The following SPTBN1 variants were observed in gnomAD, a reference collection of about 807,000 sequenced individuals.
SPTBN1 encodes the protein spectrin beta, non-erythrocytic 1, also known as spectrin beta chain, non-erythrocytic 1.
SPTBN1 carries 32 observed loss-of-function variants against 266.4 expected under a neutral mutation model. The observed-to-expected ratio is 0.12, with a 90% CI of 0.09 to 0.16. The LOEUF is 0.16. Ranked by LOEUF, SPTBN1 falls within the 10% of genes least tolerant of loss-of-function variation. The probability of loss-of-function intolerance (pLI) is 1.00; values close to 1 mark genes in which losing one functional copy is unlikely to be tolerated. For synonymous variants in SPTBN1, 1,336 were observed against 1,162.2 expected (o/e 1.15, Z -3.04); for missense variants, 2,296 against 3,067.1 (o/e 0.75, Z 5.94).
At chr2:54,643,773 C>T (rs767245140) in intron 19 of SPTBN1, among the ~76,000 whole-genome samples, 2 of 152,126 alleles carry the variant, frequency 1.3e-5, no homozygotes, top group Non-Finnish European at 2.9e-5. Context: ...CACTGGAGGC[C>T]AGGAGTTTCA....
At chr2:54,506,218 TG>T (rs1405748187) in intron 1 of SPTBN1, among the ~76,000 whole-genome samples, 1 of 152,178 alleles carries the variant, frequency 6.6e-6, no homozygotes, top group Admixed American at 6.5e-5. Context: ...CTCTTGGCCC[TG>T]GGACCTTCCC....
intron 18 of SPTBN1, among the ~76,000 whole-genome samples, chr2:54,638,532 T>C (rs1307297655): frequency 1.3e-5 from 2 of 152,268 alleles, no homozygotes; most frequent in African/African-American, 4.8e-5. Flanking sequence ...ATCATTGTAC[T>C]ATTTCATGCT....
At chr2:54,606,230 G>A (rs1210857430) in intron 3 of SPTBN1, among the ~76,000 whole-genome samples, 1 of 152,178 alleles carries the variant, frequency 6.6e-6, no homozygotes, top group African/African-American at 2.4e-5. Context: ...GCTGGTTGGA[G>A]CCTGGGAAGG....
Position 54,669,792 on chromosome 2 carries a change from A to ATTT in SPTBN1, c.*1227_*1229dup, listed in dbSNP as rs1484143456. The ATTT allele has an allele frequency of 2.6e-5, 4 of 152,346 alleles. No homozygotes were observed. Among genetic ancestry groups the ATTT allele is most frequent in the Admixed American group, 6.5e-5 (1 of 15,282 alleles). 9.4% of individuals were successfully genotyped at this position (152,346 alleles called of 1,614,324 possible). A position where few individuals can be genotyped will look rare whatever the true frequency, so the allele number is the denominator to read the frequency against. On this transcript the variant is annotated 3_prime_UTR_variant, in exon 36 of 36. Coordinates refer to ENST00000356805, the MANE Select transcript of SPTBN1 (RefSeq NM_003128.3). ...ACAACCAGTCTGGGCTCACTTTTGC[A>ATTT]TTTTTTATGCATGTCTGGTGCACAA...
chr2:54,569,273 G>T (rs1673893672), intron 2 of SPTBN1, among the ~76,000 whole-genome samples: 1 of 152,180 alleles, frequency 6.6e-6, no homozygotes, highest in Non-Finnish European at 1.5e-5. Flanking sequence ...CAGCAGTACT[G>T]GAGAGGGGAC....
intron 2 of SPTBN1, among the ~76,000 whole-genome samples, chr2:54,577,518 G>A (rs1317869712): frequency 6.6e-6 from 1 of 152,206 alleles, no homozygotes; most frequent in African/African-American, 2.4e-5. Flanking sequence ...CTAAAGTCTA[G>A]CCCTGTATTG....
At chr2:54,486,690 C>G (rs1350657120) in intron 1 of SPTBN1, among the ~76,000 whole-genome samples, 1 of 150,610 alleles carries the variant, frequency 6.6e-6, no homozygotes, top group Non-Finnish European at 1.5e-5. Context: ...AAATCCCCCT[C>G]TGCGAGAAAC....
intron 26 of SPTBN1, among the ~76,000 whole-genome samples, chr2:54,650,214 T>G (rs140824346): frequency 6.7e-4 from 102 of 152,326 alleles, no homozygotes; most frequent in African/African-American, 2.3e-3. Flanking sequence ...CCCCCATGAT[T>G]AAAATAAATA....
intron 2 of SPTBN1, among the ~76,000 whole-genome samples, chr2:54,543,607 A>T (rs1445613822): frequency 6.6e-6 from 1 of 152,050 alleles, no homozygotes; most frequent in South Asian, 2.1e-4. Context: ...TTTTTTAATT[A>T]AAAAAATTAA....
rs1680099741 is a variant in SPTBN1 at position 54,649,099 on chromosome 2, A to G, written c.5111A>G (p.Asn1704Ser). 1.9e-6 allele frequency: 3 copies of G among 1,614,024 alleles called. No individual in the cohort carries two copies. The highest frequency in any genetic ancestry group is 2.2e-5 in the South Asian group (2 of 91,082). Residue 1704 changes from asparagine to serine, a missense_variant, in exon 25 of 36, where the codon AAC becomes AGC. Physicochemically the swap from Asn to Ser is conservative, Grantham distance 46. Coordinates refer to ENST00000356805, the MANE Select transcript of SPTBN1 (RefSeq NM_003128.3). This position sits in a 1 kb window ranked among gnomAD's most constrained non-coding sequence, Gnocchi z 6.7. ...LDERHRLFQL[N>S]REVDDLEQWI... ...GAGAGACACAGGTTATTCCAGCTCA[A>G]CCGGGAGGTGGACGACCTGGAGCAG...
At chr2:54,548,806 A>G (rs760075611) in intron 2 of SPTBN1, among the ~76,000 whole-genome samples, 2 of 152,196 alleles carry the variant, frequency 1.3e-5, no homozygotes, top group Non-Finnish European at 2.9e-5. Context: ...ACTTTCAGCT[A>G]TCATCTTCTG....
chr2:54,524,112 T>G (rs1385437422), intron 1 of SPTBN1, among the ~76,000 whole-genome samples: 1 of 152,122 alleles, frequency 6.6e-6, no homozygotes, highest in Non-Finnish European at 1.5e-5. Context: ...GGCAGAAGAA[T>G]TGCTTGAACC....
intron 1 of SPTBN1, among the ~76,000 whole-genome samples, chr2:54,488,627 T>C (rs1375591911): frequency 6.6e-6 from 1 of 152,160 alleles, no homozygotes; most frequent in Non-Finnish European, 1.5e-5. Context: ...TGTGCATTAT[T>C]ATCTCATCGT....
chr2:54,505,695 C>T (rs866266678), intron 1 of SPTBN1, among the ~76,000 whole-genome samples: 11 of 152,166 alleles, frequency 7.2e-5, no homozygotes, highest in African/African-American at 2.7e-4. Context: ...TGGTCAGTAC[C>T]TGGGGTGATT....
chr2:54,668,029 A>C (rs954519446), intron 35 of SPTBN1, among the ~76,000 whole-genome samples: 2 of 152,162 alleles, frequency 1.3e-5, no homozygotes, highest in Non-Finnish European at 2.9e-5. Context: ...TTGATGGAAA[A>C]ACAACACCTG....
chr2:54,490,454 G>C (rs887435898), intron 1 of SPTBN1, among the ~76,000 whole-genome samples: 2 of 152,032 alleles, frequency 1.3e-5, no homozygotes, highest in African/African-American at 4.8e-5. Context: ...AATTCAGATG[G>C]GGTCCACAAA....
chr2:54,584,373 C>T (rs939264694), intron 2 of SPTBN1, among the ~76,000 whole-genome samples: 7 of 152,118 alleles, frequency 4.6e-5, no homozygotes, highest in African/African-American at 1.7e-4. Context: ...TGTACATCTT[C>T]GTTTTCTTGC....
At position 54,528,054 on chromosome 2, in the gene SPTBN1, G is replaced by T. The variant is rs534813362; in HGVS notation, c.148+1488G>T. 5 of 152,754 alleles carry T rather than the reference G, an allele frequency of 3.3e-5. No homozygotes were observed. The South Asian group carries it at 1.0e-3, about 32-fold the overall frequency. 9.5% of individuals were successfully genotyped at this position (152,754 alleles called of 1,614,324 possible). ...TGGTGTTGATTTAAAGATCTTTCTT[G>T]AGCTGGCCTGAATGAATGATTAATC... On this transcript the variant is annotated intron_variant, in intron 2 of 35. Transcript: ENST00000356805.
chr2:54,495,671 A>G (rs1178769839), intron 1 of SPTBN1, among the ~76,000 whole-genome samples: 1 of 151,270 alleles, frequency 6.6e-6, no homozygotes, highest in Non-Finnish European at 1.5e-5. Flanking sequence ...CATAATTTGC[A>G]TGTGTTTTTA....
Sources: allele counts gnomAD v4.1 joint callset (sites outside exome capture counted in the v4.1 genomes callset), GRCh38; gene constraint gnomAD v4.1.1; non-coding constraint Gnocchi (gnomAD v3.1); transcripts MANE v1.5; gene names NCBI Gene and HGNC (gene_info 2026-07-23, HGNC 2026-07-21).